Variants in IMMP2L observed in about 807,000 individuals in gnomAD.
IMMP2L encodes the protein mitochondrial inner membrane protease subunit 2.
IMMP2L carries 18 observed loss-of-function variants against 19.3 expected under a neutral mutation model. The ratio of observed to expected loss-of-function variants is 0.93; its 90% CI spans 0.64 to 1.38. The LOEUF (loss-of-function observed/expected upper bound fraction) is 1.38. Among genes scored for constraint, IMMP2L ranks in the 40% most tolerant of loss-of-function variants. IMMP2L has a pLI of 0.00. For missense variants in IMMP2L, 233 were observed against 218.2 expected (o/e 1.07, Z -0.43); for synonymous variants, 76 against 73.0 (o/e 1.04, Z -0.21).
chr7:111,057,224 AT>A (rs1357632501), intron 3 of IMMP2L, among the ~76,000 whole-genome samples: 4 of 152,136 alleles, frequency 2.6e-5, no homozygotes, highest in Non-Finnish European at 5.9e-5. Context: ...GGCATGGTGC[AT>A]TCACCCATAG....
intron 4 of IMMP2L, among the ~76,000 whole-genome samples, chr7:110,919,391 T>C (rs550541579): frequency 3.3e-5 from 5 of 152,240 alleles, no homozygotes; most frequent in African/African-American, 9.6e-5. Context: ...ATATTAGAAA[T>C]CACAAATGAA....
At chr7:110,734,493 A>T (rs762792542) in intron 5 of IMMP2L, among the ~76,000 whole-genome samples, 5 of 152,218 alleles carry the variant, frequency 3.3e-5, no homozygotes, top group Non-Finnish European at 5.9e-5. Flanking sequence ...CTTATAGTAA[A>T]ATGCAGGAAG....
chr7:111,523,638 T>C (rs983651941), intron 1 of IMMP2L, among the ~76,000 whole-genome samples: 1 of 152,076 alleles, frequency 6.6e-6, no homozygotes. Context: ...AAACCAGTAA[T>C]CTTTTTATAC....
intron 3 of IMMP2L, among the ~76,000 whole-genome samples, chr7:111,176,411 A>G (rs1807067452): frequency 6.6e-6 from 1 of 152,032 alleles, no homozygotes; most frequent in Non-Finnish European, 1.5e-5. Context: ...AATGTGGTAC[A>G]TATACACAAT....
chr7:111,020,995 A>G (rs574160803), intron 3 of IMMP2L, among the ~76,000 whole-genome samples: 1 of 152,340 alleles, frequency 6.6e-6, no homozygotes, highest in African/African-American at 2.4e-5. Flanking sequence ...TAGTAAAAGT[A>G]AAATAGATCA....
intron 5 of IMMP2L, among the ~76,000 whole-genome samples, chr7:110,812,469 A>G (rs968448017): frequency 6.6e-6 from 1 of 152,046 alleles, no homozygotes; most frequent in Non-Finnish European, 1.5e-5. Context: ...AATGCAGTAT[A>G]ATTCAGAAGA....
At chr7:110,911,911 T>C (rs1813096612) in intron 4 of IMMP2L, among the ~76,000 whole-genome samples, 1 of 152,096 alleles carries the variant, frequency 6.6e-6, no homozygotes, top group Non-Finnish European at 1.5e-5. Flanking sequence ...TCTACGGAAA[T>C]TGCAGTAAAT....
intron 3 of IMMP2L, among the ~76,000 whole-genome samples, chr7:111,009,453 G>T (rs1824686767): frequency 6.6e-6 from 1 of 151,810 alleles, no homozygotes; most frequent in African/African-American, 2.4e-5. Flanking sequence ...AAATTGTATT[G>T]CTCAGGTCAC....
rs182212113 is a variant in IMMP2L at position 111,373,754 on chromosome 7, A to G, written c.239+113484T>C. On this transcript the variant is annotated intron_variant, in intron 3 of 5. Transcript: ENST00000405709. ...TTATACTCTACATATTTTATACCAA[A>G]TTTATTTCTCCTGTGCTGAGTACAG... Among the ~76,000 whole-genome samples the G allele has an allele frequency of 7.8e-4, 119 of 152,102 alleles. 1 individual carries two copies. In the Admixed American group the frequency reaches 7.8e-3, roughly 10 times the overall value.
At chr7:110,765,497 T>C (rs1048594511) in intron 5 of IMMP2L, among the ~76,000 whole-genome samples, 1 of 151,798 alleles carries the variant, frequency 6.6e-6, no homozygotes, top group Non-Finnish European at 1.5e-5. Flanking sequence ...GTTTTCAAAA[T>C]TTTTTTTTCT....
intron 5 of IMMP2L, among the ~76,000 whole-genome samples, chr7:110,843,450 G>C (rs1446647151): frequency 6.6e-6 from 1 of 152,058 alleles, no homozygotes; most frequent in Non-Finnish European, 1.5e-5. Flanking sequence ...ATGGGGCATT[G>C]GAGTTAAAAA....
At chr7:110,974,023 C>G (rs773238644) in intron 3 of IMMP2L, among the ~76,000 whole-genome samples, 2 of 152,110 alleles carry the variant, frequency 1.3e-5, no homozygotes, top group Non-Finnish European at 1.5e-5. Context: ...CTTAATAAGT[C>G]TCTCCCAGAC....
intron 3 of IMMP2L, among the ~76,000 whole-genome samples, chr7:111,436,102 G>A (rs1358878113): frequency 6.6e-6 from 1 of 151,768 alleles, no homozygotes; most frequent in Non-Finnish European, 1.5e-5. Context: ...CCCAGAATTA[G>A]TAAAAGAGAC....
intron 3 of IMMP2L, among the ~76,000 whole-genome samples, chr7:111,413,111 T>G (rs1834589835): frequency 6.6e-6 from 1 of 152,136 alleles, no homozygotes; most frequent in Admixed American, 6.5e-5. Flanking sequence ...GTGAACAATT[T>G]TATACCATAA....
chr7:111,009,467 T>C (rs1185804151), intron 3 of IMMP2L, among the ~76,000 whole-genome samples: 1 of 152,028 alleles, frequency 6.6e-6, no homozygotes, highest in Non-Finnish European at 1.5e-5. Context: ...AGGTCACCTA[T>C]CATAGCCCCT....
chr7:111,451,242 G>T (rs1160215303), intron 3 of IMMP2L, among the ~76,000 whole-genome samples: 1 of 146,802 alleles, frequency 6.8e-6, no homozygotes, highest in Non-Finnish European at 1.5e-5. Flanking sequence ...AAATCATGCT[G>T]CTATAAAGAC....
chr7:111,392,605 T>C lies in IMMP2L; in HGVS notation c.239+94633A>G, dbSNP rs140504854. 1.2e-3 allele frequency among the ~76,000 whole-genome samples: 176 copies of C among 152,244 alleles called. 2 individuals carry two copies. Among genetic ancestry groups the C allele is most frequent in the African/African-American group, 4.0e-3 (166 of 41,544 alleles). On this transcript the variant is annotated intron_variant, in intron 3 of 5. Transcript: ENST00000405709. ...CTGACACAAACTCGAAGTCCCATAA[T>C]TCAATTAATTCTGATAATAACAACC...
At chr7:111,113,563 T>C (rs1238001450) in intron 3 of IMMP2L, among the ~76,000 whole-genome samples, 1 of 152,126 alleles carries the variant, frequency 6.6e-6, no homozygotes, top group Admixed American at 6.5e-5. Context: ...TGGACAGTCT[T>C]CATGTGACAT....
rs186115049 is a variant in IMMP2L, at chr7:111,310,723, G to T, written c.239+176515C>A. Among the ~76,000 whole-genome samples, 5 of 152,120 alleles carry T rather than the reference G, an allele frequency of 3.3e-5. No individual in the cohort carries two copies. The East Asian group carries it at 9.7e-4, about 29-fold the overall frequency. ...TGACAGTAAAGTATACTGCATTCTT[G>T]GTCAGATGAATGTAATGAGCTTCTT... is the stretch of plus-strand genomic sequence containing the variant. On this transcript the variant is annotated intron_variant, in intron 3 of 5. Coordinates refer to ENST00000405709, the MANE Select transcript of IMMP2L (RefSeq NM_032549.4).
Sources: allele counts gnomAD v4.1 joint callset (sites outside exome capture counted in the v4.1 genomes callset), GRCh38; gene constraint gnomAD v4.1.1; transcripts MANE v1.5; gene names NCBI Gene and HGNC (gene_info 2026-07-23, HGNC 2026-07-21).